Variants in RBM39 observed in about 807,000 individuals in gnomAD.
RBM39 encodes the protein RNA-binding protein 39.
RBM39 carries 12 observed loss-of-function variants against 79.6 expected under a neutral mutation model. The observed-to-expected ratio is 0.15, with a 90% CI of 0.10 to 0.24. The LOEUF is 0.24. Ranked by LOEUF, RBM39 falls within the 10% of genes least tolerant of loss-of-function variation. The probability of loss-of-function intolerance (pLI) is 1.00; values close to 1 mark genes in which losing one functional copy is unlikely to be tolerated. For synonymous variants in RBM39, 185 were observed against 208.4 expected, an observed-to-expected ratio of 0.89 and a Z score of 0.97; for missense variants, 243 against 653.4, an observed-to-expected ratio of 0.37 and a Z score of 6.85.
chr20:35,716,714 G>T (rs2146555792), intron 10 of RBM39, 26 bp downstream of exon 10: 4 of 1,350,888 alleles, frequency 3.0e-6, no homozygotes, highest in Non-Finnish European at 3.1e-6. Flanking sequence ...AAAACCCTAA[G>T]TAATATAATT....
At chr20:35,724,791 CTG>C in intron 7 of RBM39, 69 bp from the exon 8 acceptor site, 1 of 1,526,652 alleles carries the variant, frequency 6.6e-7, no homozygotes, top group Non-Finnish European at 9.0e-7. Flanking sequence ...TCAAGAGACA[CTG>C]TTGAAGGATG....
At chr20:35,737,776 G>A (rs1217032254) in intron 3 of RBM39, among the ~76,000 whole-genome samples, 3 of 149,138 alleles carry the variant, frequency 2.0e-5, no homozygotes, top group Admixed American at 6.8e-5. Context: ...ATGAACCCAG[G>A]AGGCGGAGCT....
At chr20:35,730,332 T>C (rs2039229382) in intron 4 of RBM39, among the ~76,000 whole-genome samples, 1 of 152,212 alleles carries the variant, frequency 6.6e-6, no homozygotes, top group Admixed American at 6.5e-5. Flanking sequence ...GTGCTCATCC[T>C]GCTAACTTAT....
chr20:35,716,542 A>G (rs578061854), intron 10 of RBM39, among the ~76,000 whole-genome samples, 198 bp downstream of exon 10: 5 of 152,264 alleles, frequency 3.3e-5, no homozygotes, highest in Admixed American at 6.5e-5. Context: ...GCCTTTTGTT[A>G]CAAGGGCATA....
At chr20:35,731,738 C>T (rs2039391100) in intron 4 of RBM39, 2 of 588,354 alleles carry the variant, frequency 3.4e-6, no homozygotes, top group Admixed American at 6.3e-5. Context: ...AGTCAGTATG[C>T]CTAGTAAAAG....
chr20:35,734,819 G>C, intron 3 of RBM39: 1 of 1,392,816 alleles, frequency 7.2e-7, no homozygotes. Context: ...TATATTTCCA[G>C]CTTCAAAGAG....
At chr20:35,712,236 A>G (rs2036506387) in intron 12 of RBM39, among the ~76,000 whole-genome samples, 1 of 151,926 alleles carries the variant, frequency 6.6e-6, no homozygotes, top group Non-Finnish European at 1.5e-5. Flanking sequence ...TGAGAGGCCA[A>G]GGTGGGCAGA....
Position 35,713,077 on chromosome 20 carries a change from C to T in RBM39, c.1116G>A (p.Pro372=), listed in dbSNP as rs750053345. ...RLAEGTGLQI[P]PAAQQALQMS... ...TCTGTAGAGCTTGCTGTGCTGCTGGCGGAATCTGCAAACCTGTACCTGTAA... is the reference window on the plus strand; with the variant it reads ...TCTGTAGAGCTTGCTGTGCTGCTGGTGGAATCTGCAAACCTGTACCTGTAA... The change falls in exon 12 of 17, where the codon CCG becomes CCA. Residue 372 remains proline, a synonymous_variant. Transcript: ENST00000253363. 14 of 1,613,402 alleles carry T rather than the reference C, an allele frequency of 8.7e-6. No homozygotes were observed. The highest frequency in any genetic ancestry group is 3.3e-5 in the South Asian group (3 of 91,030).
chr20:35,702,209 A>G lies in RBM39; in HGVS notation c.*2272T>C, dbSNP rs954314318. 5 of 152,234 alleles carry G rather than the reference A, an allele frequency of 3.3e-5. No individual in the cohort carries two copies. Among genetic ancestry groups the G allele is most frequent in the African/African-American group, 1.2e-4 (5 of 41,448 alleles). 9.4% of individuals were successfully genotyped at this position (152,234 alleles called of 1,614,324 possible). On this transcript the variant is annotated 3_prime_UTR_variant, in exon 17 of 17. Transcript: ENST00000253363. ...AGATGGTAGTAATTATTATAAAGATAAAAGAAAACTAGATGAACACTTTGG... is the reference window on the plus strand; with the variant it reads ...AGATGGTAGTAATTATTATAAAGATGAAAGAAAACTAGATGAACACTTTGG...
chr20:35,709,116 G>C, intron 13 of RBM39, 108 bp downstream of exon 13: 1 of 938,624 alleles, frequency 1.1e-6, no homozygotes, highest in South Asian at 1.7e-5. Flanking sequence ...GTCAAAATTT[G>C]GTCCAAATTA....
intron 8 of RBM39, 127 bp from the exon 9 acceptor site, chr20:35,722,004 A>C: frequency 3.8e-6 from 4 of 1,048,586 alleles, no homozygotes; most frequent in Non-Finnish European, 5.5e-6. Flanking sequence ...TAAGTCAGAT[A>C]CTACATATCA....
At chr20:35,733,607 CA>C (rs761338083) in intron 3 of RBM39, among the ~76,000 whole-genome samples, 4 of 128,650 alleles carry the variant, frequency 3.1e-5, no homozygotes, top group Non-Finnish European at 4.9e-5. Flanking sequence ...AGACTGTCTC[CA>C]AAAAAAAAGA....
At chr20:35,709,168 C>G (rs1392688619) in intron 13 of RBM39, 56 bp downstream of exon 13, 17 of 1,454,098 alleles carry the variant, frequency 1.2e-5, no homozygotes, top group East Asian at 2.3e-5. Flanking sequence ...AACTGTCTTA[C>G]TACATTTAAT....
rs1315296768 is a variant in RBM39, at chr20:35,704,742, T to C, written c.1418A>G (p.Asn473Ser). ...IYVDKNSAQGNVYVKCPSIAA... is the reference protein window; with the variant it reads ...IYVDKNSAQGSVYVKCPSIAA... ...AATTGATGGGCACTTCACATACACA[T>C]TGCCCTACAGAAAAAATGAAAAAAA... The change falls in exon 16 of 17, where the codon AAT becomes AGT. Residue 473 changes from asparagine to serine, a missense_variant. By Grantham distance (46) the Asn-to-Ser change is conservative. Coordinates refer to ENST00000253363, the MANE Select transcript of RBM39 (RefSeq NM_184234.3). 1.2e-6 allele frequency: 2 copies of C among 1,612,714 alleles called. No individual in the cohort carries two copies. Among genetic ancestry groups the C allele is most frequent in the South Asian group, 1.1e-5 (1 of 90,876 alleles).
At chr20:35,714,010 T>C (rs961472731) in intron 11 of RBM39, among the ~76,000 whole-genome samples, 175 bp downstream of exon 11, 1 of 152,152 alleles carries the variant, frequency 6.6e-6, no homozygotes, top group African/African-American at 2.4e-5. Context: ...ATAATATAGA[T>C]TTCCATACAT....
At position 35,742,006 on chromosome 20, in the gene RBM39, TGCTGCC is replaced by T; in HGVS notation, c.-85_-80del. On this transcript the variant is annotated 5_prime_UTR_variant, in exon 1 of 17. Coordinates refer to ENST00000253363, the MANE Select transcript of RBM39 (RefSeq NM_184234.3). ...AAGAGATTGCTGCTGCTGCTGCTGCTGCTGCCGCCGCCGCCGCTTCTGTTGCTACTG... is the reference window on the plus strand; with the variant it reads ...AAGAGATTGCTGCTGCTGCTGCTGCTGCCGCCGCCGCTTCTGTTGCTACTG... 1.7e-5 allele frequency: 4 copies of T among 240,070 alleles called. No homozygotes were observed. Among genetic ancestry groups the T allele is most frequent in the Non-Finnish European group, 3.2e-5 (4 of 123,440 alleles). The allele number at this position is 240,070 out of a possible 1,614,324, so 14.9% of individuals were successfully genotyped here. A position where few individuals can be genotyped will look rare whatever the true frequency, so the allele number is the denominator to read the frequency against.
At chr20:35,734,580 C>T (rs538386989) in intron 3 of RBM39, 63 of 240,712 alleles carry the variant, frequency 2.6e-4, no homozygotes, top group Admixed American at 4.6e-4. Flanking sequence ...AGGCAACCAA[C>T]CTATTTACCT....
rs559033763 is a variant in RBM39 at position 35,717,484 on chromosome 20, A to G, written c.826-679T>C. On this transcript the variant is annotated intron_variant, in intron 9 of 16. Coordinates refer to ENST00000253363, the MANE Select transcript of RBM39 (RefSeq NM_184234.3). ...GAAACAAAATCAACGTTTCCTTCCCATTGTGCTAAAAACACCAAGCAGTAA... is the reference window on the plus strand; with the variant it reads ...GAAACAAAATCAACGTTTCCTTCCCGTTGTGCTAAAAACACCAAGCAGTAA... Among the ~76,000 whole-genome samples, 131 of 152,288 alleles carry G rather than the reference A, an allele frequency of 8.6e-4. 1 individual carries two copies. The highest frequency in any genetic ancestry group is 7.8e-4 in the Non-Finnish European group (53 of 68,014).
intron 9 of RBM39, among the ~76,000 whole-genome samples, chr20:35,717,139 G>C (rs907918671): frequency 4.6e-5 from 7 of 152,032 alleles, no homozygotes; most frequent in African/African-American, 1.7e-4. Context: ...AATTGTCTGG[G>C]CTTGGTGGCG....
Sources: gnomAD v4.1 joint callset for allele counts (sites outside exome capture counted in the v4.1 genomes callset) on GRCh38, gnomAD v4.1.1 for gene constraint, MANE v1.5 for transcripts, NCBI Gene and HGNC (gene_info 2026-07-23, HGNC 2026-07-21) for gene names.